The following BRAF variants were observed in gnomAD, a reference collection of about 807,000 sequenced individuals.
The protein encoded by BRAF is serine/threonine-protein kinase B-raf.
A neutral mutation model predicts 104.6 loss-of-function variants in BRAF; 16 were observed. The ratio of observed to expected loss-of-function variants is 0.15; its 90% CI spans 0.10 to 0.23. BRAF has a LOEUF of 0.23. Among genes scored for constraint, BRAF ranks in the 10% least tolerant of loss-of-function variants. The probability of loss-of-function intolerance (pLI) is 1.00; values close to 1 mark genes in which losing one functional copy is unlikely to be tolerated. For missense variants in BRAF, 541 were observed against 937.3 expected (o/e 0.58, Z 5.52); for synonymous variants, 310 against 341.6 (o/e 0.91, Z 1.02).
At chr7:140,881,127 G>A (rs1390383723) in intron 1 of BRAF, among the ~76,000 whole-genome samples, 2 of 152,134 alleles carry the variant, frequency 1.3e-5, no homozygotes, top group African/African-American at 2.4e-5. Flanking sequence ...AAAATATTCA[G>A]TAAACCATGC....
chr7:140,721,420 GA>G lies in BRAF; in HGVS notation c.*5073del. On this transcript the variant is annotated 3_prime_UTR_variant, in exon 20 of 20. Transcript: ENST00000644969. ...CCCTTTCCACAATTAACAAAAATTA[GA>G]ATTGAATTTCAATTTAAATGTCTTT... 5 of 1,251,376 alleles carry G rather than the reference GA, an allele frequency of 4.0e-6. No individual in the cohort carries two copies. The East Asian group carries it at 1.6e-4, about 39-fold the overall frequency. 77.5% of individuals were successfully genotyped at this position (1,251,376 alleles called of 1,614,324 possible).
intron 18 of BRAF, among the ~76,000 whole-genome samples, chr7:140,735,423 C>T (rs1796322985): frequency 6.6e-6 from 1 of 152,158 alleles, no homozygotes; most frequent in East Asian, 1.9e-4. Context: ...TCCTTGAAGG[C>T]ATACAGCATG....
Position 140,720,490 on chromosome 7 carries a change from G to C in BRAF, c.*6004C>G. ...AAGGCATTATATGTTGATATAGCTGGTTTTAATCAGCTATGGAACATACAC... is the reference window on the plus strand; with the variant it reads ...AAGGCATTATATGTTGATATAGCTGCTTTTAATCAGCTATGGAACATACAC... On this transcript the variant is annotated 3_prime_UTR_variant, in exon 20 of 20. Transcript: ENST00000644969. The C allele has an allele frequency of 9.4e-7, 1 of 1,064,052 alleles. No individual in the cohort carries two copies. Among genetic ancestry groups the C allele is most frequent in the Non-Finnish European group, 1.1e-6 (1 of 878,460 alleles). The allele number at this position is 1,064,052 out of a possible 1,614,324, so 65.9% of individuals were successfully genotyped here.
chr7:140,828,928 T>C (rs1806385830), intron 3 of BRAF, among the ~76,000 whole-genome samples: 1 of 152,222 alleles, frequency 6.6e-6, no homozygotes, highest in Admixed American at 6.5e-5. Context: ...GCCAGACAGA[T>C]GAAATGATCT....
chr7:140,802,723 T>C (rs545404642), intron 5 of BRAF, among the ~76,000 whole-genome samples: 5 of 152,288 alleles, frequency 3.3e-5, no homozygotes, highest in Admixed American at 1.3e-4. Flanking sequence ...TTTTAAACTT[T>C]TGAAACTGTT....
Position 140,906,625 on chromosome 7 carries a change from T to C in BRAF, c.138+17941A>G, listed in dbSNP as rs142229225. On this transcript the variant is annotated intron_variant, in intron 1 of 19. Coordinates refer to ENST00000644969, the MANE Select transcript of BRAF (RefSeq NM_001374258.1). ...ATCTAGAATCTTTCTGCCTTAAGTA[T>C]TAATGTATACTTCATAATTTCCTTT... 3.2e-3 allele frequency among the ~76,000 whole-genome samples: 494 copies of C among 152,358 alleles called. 3 individuals carry two copies. The highest frequency in any genetic ancestry group is 0.011 in the African/African-American group (472 of 41,582).
intron 5 of BRAF, among the ~76,000 whole-genome samples, chr7:140,802,466 T>C (rs1304029143): frequency 1.3e-5 from 2 of 151,858 alleles, no homozygotes; most frequent in Non-Finnish European, 2.9e-5. Flanking sequence ...CTGGCTAATT[T>C]TCCTATTTTT....
intron 1 of BRAF, among the ~76,000 whole-genome samples, chr7:140,898,966 T>C (rs1815275109): frequency 6.6e-6 from 1 of 152,180 alleles, no homozygotes; most frequent in Non-Finnish European, 1.5e-5. Flanking sequence ...TGTAGTGTGG[T>C]TTTTTTCCTT....
intron 14 of BRAF, among the ~76,000 whole-genome samples, chr7:140,758,565 C>A (rs937979251): frequency 6.6e-6 from 1 of 151,778 alleles, no homozygotes; most frequent in East Asian, 1.9e-4. Flanking sequence ...AGAGATCCAC[C>A]CAACTCAGCA....
intron 14 of BRAF, among the ~76,000 whole-genome samples, chr7:140,774,264 C>T (rs1800119199): frequency 6.6e-6 from 1 of 152,198 alleles, no homozygotes; most frequent in Non-Finnish European, 1.5e-5. Flanking sequence ...CTATCGTACA[C>T]TCATTGCATC....
At chr7:140,837,371 TCATTA>T (rs1807456168) in intron 2 of BRAF, among the ~76,000 whole-genome samples, 1 of 152,226 alleles carries the variant, frequency 6.6e-6, no homozygotes, top group African/African-American at 2.4e-5. Context: ...AATGTCTATC[TCATTA>T]CATTAATCTG....
intron 1 of BRAF, among the ~76,000 whole-genome samples, chr7:140,860,719 T>C (rs1311063618): frequency 1.3e-5 from 2 of 151,928 alleles, no homozygotes; most frequent in Admixed American, 6.6e-5. Context: ...AATACAAGAG[T>C]TGGTAATCAT....
At chr7:140,795,039 G>A (rs963572617) in intron 7 of BRAF, among the ~76,000 whole-genome samples, 7 of 152,026 alleles carry the variant, frequency 4.6e-5, no homozygotes, top group African/African-American at 1.4e-4. Flanking sequence ...CTCATATTCT[G>A]GATTTTTTAT....
At chr7:140,874,860 C>T (rs1812037330) in intron 1 of BRAF, among the ~76,000 whole-genome samples, 1 of 152,124 alleles carries the variant, frequency 6.6e-6, no homozygotes, top group Non-Finnish European at 1.5e-5. Context: ...TAACACCATC[C>T]CCCTTAGTGC....
Position 140,787,576 on chromosome 7 carries a change from A to G in BRAF, c.1149T>C (p.Ile383=). 6.2e-7 allele frequency: 1 copy of G among 1,612,490 alleles called. No homozygotes were observed. The highest frequency in any genetic ancestry group is 8.5e-7 in the Non-Finnish European group (1 of 1,178,680). The change falls in exon 9 of 20, where the codon ATT becomes ATC. Residue 383 remains isoleucine (I), a synonymous_variant. Coordinates refer to ENST00000644969, the MANE Select transcript of BRAF (RefSeq NM_001374258.1). ...TIEPVNIDDL[I]RDQGFRGDGA... ...CATCACCACGAAATCCTTGGTCTCT[A>G]ATCAAGTCCTACAAATAAATAGTAA...
chr7:140,882,371 C>CTTTTT (rs1232247923), intron 1 of BRAF, among the ~76,000 whole-genome samples: 13 of 126,630 alleles, frequency 1.0e-4, no homozygotes, highest in African/African-American at 3.9e-4. Context: ...ATCAAAGTAT[C>CTTTTT]TTTTTTTTTT....
chr7:140,788,216 T>G (rs771157451), intron 8 of BRAF, among the ~76,000 whole-genome samples: 1 of 152,142 alleles, frequency 6.6e-6, no homozygotes, highest in African/African-American at 2.4e-5. Context: ...TTAAGAGAGA[T>G]AAAAATGTTC....
chr7:140,915,432 CTTTT>C (rs1014572413), intron 1 of BRAF, among the ~76,000 whole-genome samples: 4 of 141,656 alleles, frequency 2.8e-5, no homozygotes, highest in Non-Finnish European at 4.7e-5. Flanking sequence ...ATTAAAGTAT[CTTTT>C]TTTTTTTTTT....
chr7:140,916,247 T>TA (rs1327509395), intron 1 of BRAF, among the ~76,000 whole-genome samples: 3 of 152,218 alleles, frequency 2.0e-5, no homozygotes, highest in Non-Finnish European at 4.4e-5. Context: ...TTCCCTGGGC[T>TA]AACCAGTAAA....
Sources: allele counts gnomAD v4.1 joint callset (sites outside exome capture counted in the v4.1 genomes callset), GRCh38; gene constraint gnomAD v4.1.1; transcripts MANE v1.5; gene names NCBI Gene and HGNC (gene_info 2026-07-23, HGNC 2026-07-21).